MDGA2: variants seen among roughly 807,000 people sequenced by gnomAD.
MDGA2 encodes MAM domain containing glycosylphosphatidylinositol anchor 2.
A neutral mutation model predicts 117.8 loss-of-function variants in MDGA2; 40 were observed. The ratio of observed to expected loss-of-function variants is 0.34; its 90% confidence interval spans 0.26 to 0.44. MDGA2 has a LOEUF of 0.44. Ranked by LOEUF, MDGA2 falls within the 20% of genes least tolerant of loss-of-function variation. The pLI is 1.00. For missense variants in MDGA2, 1,123 were observed against 1,250.6 expected (o/e 0.90, Z 1.54); for synonymous variants, 452 against 439.0 (o/e 1.03, Z -0.37).
At chr14:47,383,743 T>C (rs1453789432) in intron 1 of MDGA2, among the ~76,000 whole-genome samples, 1 of 151,736 alleles carries the variant, frequency 6.6e-6, no homozygotes, top group East Asian at 2.0e-4. Context: ...CAGGCTGGTC[T>C]TCAACTCCTG....
intron 3 of MDGA2, among the ~76,000 whole-genome samples, chr14:47,171,954 T>C (rs1457160884): frequency 6.6e-6 from 1 of 152,124 alleles, no homozygotes; most frequent in East Asian, 1.9e-4. Flanking sequence ...AATACTGCGC[T>C]TTTCCGACGG....
At chr14:47,474,380 C>G (rs1483701689) in intron 1 of MDGA2, among the ~76,000 whole-genome samples, 1 of 151,928 alleles carries the variant, frequency 6.6e-6, no homozygotes, top group Non-Finnish European at 1.5e-5. Flanking sequence ...TAGGAAGAAT[C>G]AATATCATGA....
rs71448157 is a variant in MDGA2 at position 47,013,772 on chromosome 14, G to GTATATATATATATATATATATATATATA, written c.1819+21238_1819+21239insTATATATATATATATATATATATATATA. ...TAGGTATGAAAACATTAATTTCCTT[G>GTATATATATATATATATATATATATATA]TATATATATATATATATATATCTCC... On this transcript the variant is annotated intron_variant, in intron 8 of 16. Transcript: ENST00000399232. Among the ~76,000 whole-genome samples, 66 of 93,672 alleles carry GTATATATATATATATATATATATATATA rather than the reference G, an allele frequency of 7.0e-4. 4 individuals are homozygous for GTATATATATATATATATATATATATATA. The highest frequency in any genetic ancestry group is 2.0e-3 in the South Asian group (5 of 2,562). 61.5% of individuals were successfully genotyped at this position (93,672 alleles called of 152,430 possible). A position where few individuals can be genotyped will look rare whatever the true frequency, so the allele number is the denominator to read the frequency against.
intron 9 of MDGA2, among the ~76,000 whole-genome samples, chr14:46,925,808 T>A (rs1247510496): frequency 6.6e-6 from 1 of 151,922 alleles, no homozygotes; most frequent in Non-Finnish European, 1.5e-5. Flanking sequence ...TTTTAACTGA[T>A]CTTAAAGAAG....
At chr14:46,936,412 G>A (rs1884782993) in intron 9 of MDGA2, among the ~76,000 whole-genome samples, 4 of 152,020 alleles carry the variant, frequency 2.6e-5, no homozygotes, top group Admixed American at 2.6e-4. Flanking sequence ...GGAGGTCCAT[G>A]TATATTGGTA....
At chr14:46,842,490 T>C (rs1048086614) in intron 16 of MDGA2, among the ~76,000 whole-genome samples, 1 of 152,150 alleles carries the variant, frequency 6.6e-6, no homozygotes, top group Non-Finnish European at 1.5e-5. Context: ...TTGCAACTAG[T>C]AGATGATCCA....
intron 2 of MDGA2, among the ~76,000 whole-genome samples, chr14:47,238,183 A>G (rs1256518415): frequency 6.6e-6 from 1 of 152,214 alleles, no homozygotes; most frequent in Non-Finnish European, 1.5e-5. Flanking sequence ...TATTAAAAAT[A>G]GCAGTTTCTA....
At chr14:47,037,528 T>C (rs1473494278) in intron 7 of MDGA2, among the ~76,000 whole-genome samples, 1 of 152,188 alleles carries the variant, frequency 6.6e-6, no homozygotes, top group East Asian at 1.9e-4. Context: ...TCCCTGCCTG[T>C]CACTTGGTCA....
chr14:47,569,521 C>T (rs1420604369), intron 1 of MDGA2, among the ~76,000 whole-genome samples: 3 of 152,162 alleles, frequency 2.0e-5, no homozygotes, highest in Non-Finnish European at 4.4e-5. Context: ...AGTTCTCAGC[C>T]ATCTTGCAAG....
chr14:47,254,213 T>C (rs542439391), intron 2 of MDGA2, among the ~76,000 whole-genome samples: 163 of 152,352 alleles, frequency 1.1e-3, no homozygotes, highest in African/African-American at 3.6e-3. Flanking sequence ...ATTTGGTTCC[T>C]TGTTACTTAT....
chr14:47,670,092 T>C lies in MDGA2; in HGVS notation c.280+4425A>G, dbSNP rs935927035. Among the ~76,000 whole-genome samples the C allele has an allele frequency of 3.9e-5, 6 of 152,342 alleles. No individual in the cohort carries two copies. The East Asian group carries it at 1.2e-3, about 29-fold the overall frequency. ...TTCTGTCCAGCTACTGCCTGGGCTG[T>C]CATTCTTAAATTGTATGAGATTTAC... On this transcript the variant is annotated intron_variant, in intron 1 of 16. Transcript: ENST00000399232.
chr14:47,417,413 T>A (rs1186065898), intron 1 of MDGA2, among the ~76,000 whole-genome samples: 2 of 152,174 alleles, frequency 1.3e-5, no homozygotes, highest in Admixed American at 6.5e-5. Flanking sequence ...CAGTAACATA[T>A]TCTTCATCTC....
chr14:47,167,559 A>G (rs1444900235), intron 3 of MDGA2, among the ~76,000 whole-genome samples: 1 of 152,130 alleles, frequency 6.6e-6, no homozygotes, highest in Non-Finnish European at 1.5e-5. Context: ...GGCCAAAAGG[A>G]GCAGAAGGGA....
At chr14:47,480,174 C>T (rs138793965) in intron 1 of MDGA2, among the ~76,000 whole-genome samples, 2 of 152,142 alleles carry the variant, frequency 1.3e-5, no homozygotes, top group African/African-American at 2.4e-5. Context: ...CAAACTTTGG[C>T]ATGTGTAAAA....
intron 1 of MDGA2, among the ~76,000 whole-genome samples, chr14:47,509,880 C>T (rs148107140): frequency 6.6e-6 from 1 of 152,288 alleles, no homozygotes; most frequent in African/African-American, 2.4e-5. Context: ...CCTTGAGTTA[C>T]ATCCATGTCT....
chr14:47,301,272 CA>C, intron 2 of MDGA2, 138 bp downstream of exon 2: 1 of 572,242 alleles, frequency 1.7e-6, no homozygotes, highest in Non-Finnish European at 2.6e-6. Flanking sequence ...ACTTGAGTTA[CA>C]CACACACACA....
intron 15 of MDGA2, among the ~76,000 whole-genome samples, chr14:46,853,029 A>C (rs1881124379): frequency 6.6e-6 from 1 of 151,968 alleles, no homozygotes; most frequent in East Asian, 1.9e-4. Context: ...GAACTTATAC[A>C]GATATTAGCA....
chr14:46,889,602 C>T (rs1183804169), intron 10 of MDGA2, among the ~76,000 whole-genome samples: 2 of 152,058 alleles, frequency 1.3e-5, no homozygotes, highest in Non-Finnish European at 2.9e-5. Context: ...GGCTTTTAGT[C>T]ACTAGTTCTA....
At chr14:47,662,167 A>T (rs1037599529) in intron 1 of MDGA2, among the ~76,000 whole-genome samples, 4 of 152,210 alleles carry the variant, frequency 2.6e-5, no homozygotes, top group Non-Finnish European at 4.4e-5. Flanking sequence ...ACTGAATTAG[A>T]GTCAGCTTTG....
Sources: allele counts gnomAD v4.1 joint callset (sites outside exome capture counted in the v4.1 genomes callset), GRCh38; gene constraint gnomAD v4.1.1; transcripts MANE v1.5; gene names NCBI Gene and HGNC (gene_info 2026-07-23, HGNC 2026-07-21).